The following ROBO1 variants were observed in gnomAD, a reference collection of about 807,000 sequenced individuals.
ROBO1 encodes the protein roundabout homolog 1.
A neutral mutation model predicts 195.9 loss-of-function variants in ROBO1; 149 were observed. That is an observed-to-expected ratio of 0.76 (90% CI 0.67 to 0.87). The LOEUF (loss-of-function observed/expected upper bound fraction) is 0.87. Ranked by LOEUF, ROBO1 falls within the 40% of genes least tolerant of loss-of-function variation. ROBO1 has a pLI of 0.00. For missense variants in ROBO1, 1,933 were observed against 2,068.3 expected (o/e 0.93, Z 1.27); for synonymous variants, 816 against 733.2 (o/e 1.11, Z -1.82).
chr3:79,417,884 TC>T (rs1197242671), intron 2 of ROBO1, among the ~76,000 whole-genome samples: 3 of 152,142 alleles, frequency 2.0e-5, no homozygotes, highest in Non-Finnish European at 4.4e-5. Flanking sequence ...GATCTTCTAC[TC>T]CAGCCAGGTG....
At chr3:78,888,244 A>G (rs1195507556) in intron 4 of ROBO1, among the ~76,000 whole-genome samples, 3 of 152,214 alleles carry the variant, frequency 2.0e-5, no homozygotes, top group Non-Finnish European at 4.4e-5. Context: ...GTATTTGATT[A>G]ATCACAATAT....
At chr3:78,752,382 C>T (rs945254704) in intron 4 of ROBO1, among the ~76,000 whole-genome samples, 7 of 152,004 alleles carry the variant, frequency 4.6e-5, no homozygotes, top group African/African-American at 1.7e-4. Context: ...AAAATGTTGA[C>T]GTCTGTCAAA....
intron 4 of ROBO1, among the ~76,000 whole-genome samples, chr3:78,859,732 T>G (rs770019300): frequency 6.6e-6 from 1 of 152,074 alleles, no homozygotes; most frequent in Non-Finnish European, 1.5e-5. Context: ...GGCCTCAGTA[T>G]GTGATAGCAA....
chr3:79,508,694 G>A lies in ROBO1; in HGVS notation c.88+81130C>T, dbSNP rs370135944. Among the ~76,000 whole-genome samples the A allele has an allele frequency of 7.9e-5, 12 of 152,096 alleles. 1 individual carries two copies. The South Asian group carries it at 2.1e-3, about 26-fold the overall frequency. On this transcript the variant is annotated intron_variant, in intron 2 of 30. Transcript: ENST00000464233. ...AAACAGAATGCAGGATCTGGCATCC[G>A]TTTTCTAATTATCTCTGAGAAAAAA...
rs117711582 is a variant in ROBO1 at position 79,721,532 on chromosome 3, C to T, written c.-51+46220G>A. Among the ~76,000 whole-genome samples the T allele has an allele frequency of 2.4e-3, 368 of 152,144 alleles. 3 individuals carry two copies. The highest frequency in any genetic ancestry group is 0.019 in the East Asian group (97 of 5,164). On this transcript the variant is annotated intron_variant, in intron 1 of 30. Coordinates refer to ENST00000464233, the MANE Select transcript of ROBO1 (RefSeq NM_002941.4). ...GTCACCAAACTTAGTAACAAAAATC[C>T]GTATGGTTAGCATATGTCTATGCTT... is the stretch of plus-strand genomic sequence containing the variant.
intron 1 of ROBO1, among the ~76,000 whole-genome samples, chr3:79,677,471 G>A (rs1209803011): frequency 1.3e-5 from 2 of 151,986 alleles, no homozygotes; most frequent in Admixed American, 6.6e-5. Context: ...GAGAGCTTGT[G>A]CAGGCAAACT....
chr3:78,892,089 G>C (rs563917695), intron 4 of ROBO1, among the ~76,000 whole-genome samples: 10 of 152,300 alleles, frequency 6.6e-5, no homozygotes, highest in Admixed American at 3.3e-4. Context: ...AAAAATGCGG[G>C]CCGTGCACGC....
intron 2 of ROBO1, among the ~76,000 whole-genome samples, chr3:79,453,300 T>C (rs2107209788): frequency 6.6e-6 from 1 of 152,222 alleles, no homozygotes; most frequent in East Asian, 1.9e-4. Context: ...ACATTATTGG[T>C]CACCATGATT....
intron 2 of ROBO1, among the ~76,000 whole-genome samples, chr3:79,269,710 A>G (rs184184362): frequency 1.3e-5 from 2 of 151,832 alleles, no homozygotes; most frequent in African/African-American, 4.8e-5. Context: ...TTAGCACTGT[A>G]TTTTAACAAA....
chr3:79,675,290 A>C (rs1487740868), intron 1 of ROBO1, among the ~76,000 whole-genome samples: 4 of 151,970 alleles, frequency 2.6e-5, no homozygotes, highest in African/African-American at 9.7e-5. Flanking sequence ...TTATGATTGC[A>C]TTAGTTTAGT....
intron 2 of ROBO1, among the ~76,000 whole-genome samples, chr3:79,330,671 G>GAA (rs34923136): frequency 4.1e-4 from 32 of 77,304 alleles, no homozygotes; most frequent in East Asian, 8.1e-4. Flanking sequence ...GGAACTTAGG[G>GAA]AAAAAAAAAA....
chr3:79,113,386 G>GTT (rs929661530), intron 3 of ROBO1, among the ~76,000 whole-genome samples: 6 of 146,200 alleles, frequency 4.1e-5, no homozygotes, highest in African/African-American at 1.5e-4. Context: ...ATTGAGTGAG[G>GTT]TTTTTTTTTT....
At chr3:79,212,940 C>T (rs1032519271) in intron 2 of ROBO1, among the ~76,000 whole-genome samples, 3 of 152,040 alleles carry the variant, frequency 2.0e-5, no homozygotes, top group Non-Finnish European at 4.4e-5. Context: ...AGTCTGAACG[C>T]CAATTTAATT....
intron 2 of ROBO1, among the ~76,000 whole-genome samples, chr3:79,423,526 T>C (rs2038318130): frequency 6.6e-6 from 1 of 152,088 alleles, no homozygotes; most frequent in African/African-American, 2.4e-5. Flanking sequence ...AATAGGTCCA[T>C]ATTTATCTAT....
rs368110549 is a variant in ROBO1 at position 79,303,159 on chromosome 3, G to GTTTTTTTTTT, written c.89-177621_89-177620insAAAAAAAAAA. Among the ~76,000 whole-genome samples the GTTTTTTTTTT allele has an allele frequency of 1.4e-4, 10 of 72,086 alleles. 2 individuals carry two copies. The highest frequency in any genetic ancestry group is 1.2e-3 in the East Asian group (3 of 2,500). The allele number at this position is 72,086 out of a possible 152,430, so 47.3% of individuals were successfully genotyped here. A position where few individuals can be genotyped will look rare whatever the true frequency, so the allele number is the denominator to read the frequency against. On this transcript the variant is annotated intron_variant, in intron 2 of 30. Coordinates refer to ENST00000464233, the MANE Select transcript of ROBO1 (RefSeq NM_002941.4). ...ATTAATATATGAATTATCTCACATA[G>GTTTTTTTTTT]GTTTTTTTTTTTTTTTTTTTTTTTG...
chr3:78,693,192 C>A (rs893207182), intron 8 of ROBO1: 7 of 977,766 alleles, frequency 7.2e-6, no homozygotes, highest in Non-Finnish European at 1.0e-5. Flanking sequence ...TTCCTGCAGA[C>A]TTTATTCTGT....
intron 4 of ROBO1, among the ~76,000 whole-genome samples, chr3:78,808,171 C>T (rs576184877): frequency 4.7e-4 from 71 of 152,290 alleles, no homozygotes; most frequent in African/African-American, 1.7e-3. Context: ...GGGTTCAACA[C>T]ATCCAAAATT....
rs1702984652 is a variant in ROBO1, at chr3:78,598,706, G to T, written c.*207C>A. On this transcript the variant is annotated 3_prime_UTR_variant, in exon 31 of 31. Coordinates refer to ENST00000464233, the MANE Select transcript of ROBO1 (RefSeq NM_002941.4). ...GTTTGCTCCAACAGCGAGGGGAATAGGAAGGCTCTTTGTAGGGTTAGGGAT... is the reference window on the plus strand; with the variant it reads ...GTTTGCTCCAACAGCGAGGGGAATATGAAGGCTCTTTGTAGGGTTAGGGAT... The T allele has an allele frequency of 2.5e-6, 1 of 399,624 alleles. No individual in the cohort carries two copies. The highest frequency in any genetic ancestry group is 3.7e-5 in the East Asian group (1 of 26,838). The allele number at this position is 399,624 out of a possible 1,614,324, so 24.8% of individuals were successfully genotyped here.
At chr3:78,778,166 G>C (rs1222236937) in intron 4 of ROBO1, among the ~76,000 whole-genome samples, 1 of 152,168 alleles carries the variant, frequency 6.6e-6, no homozygotes, top group Non-Finnish European at 1.5e-5. Flanking sequence ...AACCGGCCTT[G>C]CATCCCAGGG....
Sources: allele counts gnomAD v4.1 joint callset (sites outside exome capture counted in the v4.1 genomes callset), GRCh38; gene constraint gnomAD v4.1.1; transcripts MANE v1.5; gene names NCBI Gene and HGNC (gene_info 2026-07-23, HGNC 2026-07-21).